GRAMD1B: variants seen among roughly 807,000 people sequenced by gnomAD.
GRAMD1B encodes protein Aster-B.
A neutral mutation model predicts 99.7 loss-of-function variants in GRAMD1B; 37 were observed. The ratio of observed to expected loss-of-function variants is 0.37; its 90% CI spans 0.29 to 0.49. The LOEUF is 0.49. Among genes scored for constraint, GRAMD1B ranks in the 20% least tolerant of loss-of-function variants. GRAMD1B has a pLI of 0.98. For missense variants in GRAMD1B, 888 were observed against 1,009.2 expected (o/e 0.88, Z 1.63); for synonymous variants, 427 against 387.6 (o/e 1.10, Z -1.19).
intron 2 of GRAMD1B, among the ~76,000 whole-genome samples, chr11:123,490,924 A>G (rs1938486523): frequency 6.6e-6 from 1 of 152,228 alleles, no homozygotes; most frequent in South Asian, 2.1e-4. Flanking sequence ...TCTCTGTGTG[A>G]TAGAAAATGA....
chr11:123,477,096 T>A (rs1025722870), intron 1 of GRAMD1B, among the ~76,000 whole-genome samples: 4 of 152,218 alleles, frequency 2.6e-5, no homozygotes, highest in African/African-American at 7.2e-5. Context: ...GGCATTTACA[T>A]AGCAGTTAAA....
chr11:123,529,433 G>C (rs1565334214), intron 2 of GRAMD1B, among the ~76,000 whole-genome samples: 1 of 152,194 alleles, frequency 6.6e-6, no homozygotes, highest in Non-Finnish European at 1.5e-5. Context: ...CTGACAAGTG[G>C]TTGGACTTTG....
At chr11:123,499,060 G>A (rs1004100791) in intron 2 of GRAMD1B, among the ~76,000 whole-genome samples, 3 of 152,150 alleles carry the variant, frequency 2.0e-5, no homozygotes, top group Non-Finnish European at 2.9e-5. Flanking sequence ...CTTTTGATAC[G>A]TAGCTTGGTG....
intron 2 of GRAMD1B, among the ~76,000 whole-genome samples, chr11:123,503,979 T>A (rs1940160940): frequency 6.6e-6 from 1 of 152,218 alleles, no homozygotes. Flanking sequence ...TTATATAATG[T>A]CATGAAGCTA....
rs992913088 is a variant in GRAMD1B at position 123,584,259 on chromosome 11, C to A, written c.664-53C>A. On this transcript the variant is annotated intron_variant, in intron 3 of 19. Transcript: ENST00000635736. ...TGTGTGCCCTTCCCCCTGGCCCTTCCCCCCATTTCTTCCCTGACTAATTCT... is the reference window on the plus strand; with the variant it reads ...TGTGTGCCCTTCCCCCTGGCCCTTCACCCCATTTCTTCCCTGACTAATTCT... 4 of 848,872 alleles carry A rather than the reference C, an allele frequency of 4.7e-6. No individual in the cohort carries two copies. The African/African-American group carries it at 5.6e-5, about 12-fold the overall frequency. The allele number at this position is 848,872 out of a possible 1,614,324, so 52.6% of individuals were successfully genotyped here.
intron 2 of GRAMD1B, among the ~76,000 whole-genome samples, chr11:123,515,773 C>CTT (rs35378274): frequency 1.1e-3 from 157 of 147,342 alleles, no homozygotes; most frequent in Middle Eastern, 3.4e-3. Flanking sequence ...ATATTCAAAC[C>CTT]TTTTTTTTTT....
In GRAMD1B at chr11:123,593,481, T is replaced by G. The variant is rs142914933; in HGVS notation, c.685-601T>G. Among the ~76,000 whole-genome samples the G allele has an allele frequency of 4.1e-3, 627 of 152,128 alleles. 4 individuals carry two copies. Among genetic ancestry groups the G allele is most frequent in the South Asian group, 0.014 (68 of 4,814 alleles). On this transcript the variant is annotated intron_variant, in intron 4 of 19. Transcript: ENST00000635736. ...TCTTCCTTGATGCTGTAAGGATTGG[T>G]TTAGATAATGTAAGGATGGAGAGGG...
At chr11:123,508,326 A>G (rs1208337966) in intron 2 of GRAMD1B, among the ~76,000 whole-genome samples, 1 of 152,164 alleles carries the variant, frequency 6.6e-6, no homozygotes, top group East Asian at 1.9e-4. Context: ...TCTTATGATA[A>G]CTAACTTATT....
intron 1 of GRAMD1B, among the ~76,000 whole-genome samples, chr11:123,388,514 A>C (rs190699931): frequency 2.1e-3 from 325 of 152,216 alleles, no homozygotes; most frequent in Non-Finnish European, 3.5e-3. Flanking sequence ...CTCTACAAAA[A>C]AGCATGAAAA....
chr11:123,434,230 CAAAAAAAAAAA>C (rs33942028), intron 1 of GRAMD1B, among the ~76,000 whole-genome samples: 1,977 of 73,196 alleles, frequency 0.027, 75 homozygotes, highest in African/African-American at 0.1. Flanking sequence ...ACTCCGTTTC[CAAAAAAAAAAA>C]AAAAAAAAAA....
chr11:123,409,395 T>C (rs972618330), intron 1 of GRAMD1B, among the ~76,000 whole-genome samples: 3 of 152,190 alleles, frequency 2.0e-5, no homozygotes, highest in African/African-American at 7.2e-5. Context: ...GCGTTTATGT[T>C]GGTAACTGTG....
At chr11:123,565,302 G>A (rs1183860607) in intron 2 of GRAMD1B, among the ~76,000 whole-genome samples, 4 of 151,560 alleles carry the variant, frequency 2.6e-5, no homozygotes, top group East Asian at 1.9e-4. Flanking sequence ...GCCTCCCGAA[G>A]TGCTGGGATT....
At chr11:123,376,794 T>G (rs1221463122) in intron 1 of GRAMD1B, among the ~76,000 whole-genome samples, 1 of 152,180 alleles carries the variant, frequency 6.6e-6, no homozygotes, top group Non-Finnish European at 1.5e-5. Flanking sequence ...ACCAAGTCCT[T>G]GGAATTTGAA....
intron 2 of GRAMD1B, among the ~76,000 whole-genome samples, chr11:123,565,207 T>TC (rs1364997978): frequency 1.3e-5 from 2 of 151,182 alleles, no homozygotes; most frequent in African/African-American, 2.4e-5. Context: ...TAATTCTTTT[T>TC]TTTTTTTTTT....
At chr11:123,532,707 T>G (rs534437698) in intron 2 of GRAMD1B, among the ~76,000 whole-genome samples, 1 of 152,374 alleles carries the variant, frequency 6.6e-6, no homozygotes, top group African/African-American at 2.4e-5. Flanking sequence ...AATGTTTCTT[T>G]ACCTTTTTAA....
chr11:123,594,660 G>T, intron 5 of GRAMD1B, 75 bp from the exon 6 acceptor site: 1 of 782,778 alleles, frequency 1.3e-6, no homozygotes, highest in South Asian at 1.4e-5. Flanking sequence ...TGGGAGGGAT[G>T]ACATGCCTAC....
At chr11:123,615,368 A>G (rs1343528023) in intron 17 of GRAMD1B, among the ~76,000 whole-genome samples, 1 of 152,244 alleles carries the variant, frequency 6.6e-6, no homozygotes, top group East Asian at 1.9e-4. Flanking sequence ...ATTATAAAAC[A>G]GTAGGCACAG....
intron 1 of GRAMD1B, among the ~76,000 whole-genome samples, chr11:123,465,963 G>T (rs1012786733): frequency 1.3e-5 from 2 of 151,958 alleles, no homozygotes; most frequent in East Asian, 3.9e-4. Context: ...AAGGGCTCAA[G>T]ATCATACTGA....
chr11:123,613,458 G>A lies in GRAMD1B; in HGVS notation c.2027G>A (p.Ser676Asn), dbSNP rs1350417509. 1.9e-6 allele frequency: 3 copies of A among 1,607,632 alleles called. No homozygotes were observed. The highest frequency in any genetic ancestry group is 1.7e-6 in the Non-Finnish European group (2 of 1,176,832). ...GLEDYFRHLE[S>N]ELAKTESTYL... is the part of the protein sequence containing the mutation. ...GTGGTCCTTTTGTCTCTGATAGAGAGCGAGCTGGCCAAAACGGAGAGCACT... is the reference window on the plus strand; with the variant it reads ...GTGGTCCTTTTGTCTCTGATAGAGAACGAGCTGGCCAAAACGGAGAGCACT... Residue 676 changes from serine (S) to asparagine (N), a missense_variant, in exon 16 of 20, where the codon AGC becomes AAC. Physicochemically the swap from Ser to Asn is conservative, Grantham distance 46. Coordinates refer to ENST00000635736, the MANE Select transcript of GRAMD1B (RefSeq NM_001387025.1).
Sources: gnomAD v4.1 joint callset for allele counts (sites outside exome capture counted in the v4.1 genomes callset) on GRCh38, gnomAD v4.1.1 for gene constraint, MANE v1.5 for transcripts, NCBI Gene and HGNC (gene_info 2026-07-23, HGNC 2026-07-21) for gene names.